Variants in CALB2 observed in about 807,000 individuals in gnomAD.
CALB2 encodes calretinin.
CALB2 carries 34 observed loss-of-function variants against 45.9 expected under a neutral mutation model. The ratio of observed to expected loss-of-function variants is 0.74; its 90% confidence interval spans 0.56 to 0.99. CALB2 has a LOEUF of 0.99. Ranked by LOEUF, CALB2 falls within the 50% of genes least tolerant of loss-of-function variation. The pLI is 0.00. For missense variants in CALB2, 344 were observed against 339.3 expected (o/e 1.01, Z -0.11); for synonymous variants, 142 against 129.6 (o/e 1.10, Z -0.65).
intron 6 of CALB2, 102 bp from the exon 7 acceptor site, chr16:71,383,868 G>A: frequency 7.5e-7 from 1 of 1,336,288 alleles, no homozygotes; most frequent in Non-Finnish European, 1.1e-6. Context: ...GGAAGCATGA[G>A]CACGTGTCAC....
chr16:71,379,299 AAAT>A (rs1190756546), intron 4 of CALB2, among the ~76,000 whole-genome samples: 1 of 151,676 alleles, frequency 6.6e-6, no homozygotes. Context: ...ATAAATAAAT[AAAT>A]AAATAAATAA....
chr16:71,378,503 G>A (rs2042444006), intron 4 of CALB2, among the ~76,000 whole-genome samples: 1 of 152,046 alleles, frequency 6.6e-6, no homozygotes, highest in Admixed American at 6.5e-5. Flanking sequence ...TCACACCACT[G>A]CCCTCCAGGC....
rs1192991689 is a variant in CALB2, at chr16:71,390,117, G to T, written c.*252G>T. The T allele has an allele frequency of 2.1e-6, 1 of 471,896 alleles. No homozygotes were observed. Among genetic ancestry groups the T allele is most frequent in the Non-Finnish European group, 3.8e-6 (1 of 262,236 alleles). 29.2% of individuals were successfully genotyped at this position (471,896 alleles called of 1,614,324 possible). A position where few individuals can be genotyped will look rare whatever the true frequency, so the allele number is the denominator to read the frequency against. Reference sequence around the variant, plus strand: ...CATGGAAGGTGATGGGGGCATGGGTGGAGGGTCCCTAATTCTCTTCGCTGT... The same window carrying T: ...CATGGAAGGTGATGGGGGCATGGGTTGAGGGTCCCTAATTCTCTTCGCTGT... On this transcript the variant is annotated 3_prime_UTR_variant, in exon 11 of 11. Coordinates refer to ENST00000302628, the MANE Select transcript of CALB2 (RefSeq NM_001740.5).
In CALB2 at chr16:71,390,196, AC is replaced by A; in HGVS notation, c.*332del. The A allele has an allele frequency of 4.6e-6, 1 of 217,372 alleles. No individual in the cohort carries two copies. The highest frequency in any genetic ancestry group is 2.3e-5 in the African/African-American group (1 of 44,060). The allele number at this position is 217,372 out of a possible 1,614,324, so 13.5% of individuals were successfully genotyped here. Reference sequence around the variant, plus strand: ...TAGGCTTCTATGTCCAACAGAGTGGACTCTTCCCTCTCGCTCCCCTCTGCCG... The same window carrying A: ...TAGGCTTCTATGTCCAACAGAGTGGATCTTCCCTCTCGCTCCCCTCTGCCG... On this transcript the variant is annotated 3_prime_UTR_variant, in exon 11 of 11. Transcript: ENST00000302628.
At chr16:71,376,549 CCA>C (rs752467977) in intron 3 of CALB2, among the ~76,000 whole-genome samples, 5 of 152,236 alleles carry the variant, frequency 3.3e-5, no homozygotes, top group East Asian at 1.9e-4. Flanking sequence ...CCACATTCAA[CCA>C]CACACACCCA....
chr16:71,384,435 C>T, intron 8 of CALB2, 57 bp downstream of exon 8: 1 of 1,417,918 alleles, frequency 7.1e-7, no homozygotes, highest in Admixed American at 1.7e-5. Flanking sequence ...CCTGGCCCTG[C>T]ACCCTCCTTC....
chr16:71,381,085 AG>A (rs1370267677), intron 4 of CALB2, among the ~76,000 whole-genome samples: 3 of 152,210 alleles, frequency 2.0e-5, no homozygotes, highest in African/African-American at 7.2e-5. Flanking sequence ...TGCTCTGTGC[AG>A]GGACTGGGGT....
At chr16:71,369,990 C>T (rs1237441725) in intron 1 of CALB2, among the ~76,000 whole-genome samples, 1 of 152,210 alleles carries the variant, frequency 6.6e-6, no homozygotes. Context: ...AGGAACCACA[C>T]TCTTCTGAAA....
chr16:71,389,975 T>C lies in CALB2; in HGVS notation c.*110T>C. 2 of 688,512 alleles carry C rather than the reference T, an allele frequency of 2.9e-6. No homozygotes were observed. The highest frequency in any genetic ancestry group is 5.1e-6 in the Non-Finnish European group (2 of 390,038). The allele number at this position is 688,512 out of a possible 1,614,324, so 42.7% of individuals were successfully genotyped here. On this transcript the variant is annotated 3_prime_UTR_variant, in exon 11 of 11. Transcript: ENST00000302628. Reference sequence around the variant, plus strand: ...GCGCCCCGCCCCCACCCCTACAGCCTGCACACACCTGCCTGCAGAGCAGGA... The same window carrying C: ...GCGCCCCGCCCCCACCCCTACAGCCCGCACACACCTGCCTGCAGAGCAGGA...
chr16:71,384,973 G>A, intron 9 of CALB2, 137 bp downstream of exon 9: 2 of 739,444 alleles, frequency 2.7e-6, no homozygotes, highest in Non-Finnish European at 4.8e-6. Flanking sequence ...CGCATCTTCT[G>A]CTGTATGAGA....
At chr16:71,385,408 C>T in intron 9 of CALB2, 169 bp from the exon 10 acceptor site, 1 of 508,570 alleles carries the variant, frequency 2.0e-6, no homozygotes, top group Non-Finnish European at 3.5e-6. Context: ...ACCTTCCTGC[C>T]ATGACTGGTT....
At chr16:71,364,834 G>A (rs2042267004) in intron 1 of CALB2, among the ~76,000 whole-genome samples, 1 of 152,242 alleles carries the variant, frequency 6.6e-6, no homozygotes, top group Non-Finnish European at 1.5e-5. Flanking sequence ...GCGTGTGTGT[G>A]TGTGTCAGAG....
intron 3 of CALB2, among the ~76,000 whole-genome samples, chr16:71,375,579 C>T (rs2144975632): frequency 6.6e-6 from 1 of 152,286 alleles, no homozygotes; most frequent in Non-Finnish European, 1.5e-5. Context: ...ATGATGGTGG[C>T]ACAGGCATTA....
At chr16:71,362,796 A>G (rs2042247842) in intron 1 of CALB2, among the ~76,000 whole-genome samples, 1 of 152,186 alleles carries the variant, frequency 6.6e-6, no homozygotes, top group African/African-American at 2.4e-5. Flanking sequence ...ATGAAAGGGG[A>G]TTTTCTTTTA....
intron 6 of CALB2, 96 bp from the exon 7 acceptor site, chr16:71,383,874 G>A (rs2042531403): frequency 2.1e-6 from 3 of 1,397,938 alleles, no homozygotes; most frequent in Admixed American, 3.4e-5. Context: ...ATGAGCACGT[G>A]TCACCCGTCC....
intron 3 of CALB2, among the ~76,000 whole-genome samples, chr16:71,376,293 C>T (rs1392240874): frequency 6.6e-6 from 1 of 152,184 alleles, no homozygotes; most frequent in African/African-American, 2.4e-5. Flanking sequence ...GCCTGAGGGC[C>T]ATAGCTTACC....
chr16:71,380,292 CTTTTTTTTTTTTTTTTTTTTTTTTT>C (rs544138378), intron 4 of CALB2, among the ~76,000 whole-genome samples: 1 of 43,798 alleles, frequency 2.3e-5, no homozygotes, highest in Non-Finnish European at 4.1e-5. Flanking sequence ...CCTTCCTTTT[CTTTTTTTTTTTTTTTTTTTTTTTTT>C]TTTTTTTTTT....
chr16:71,380,460 C>T (rs2042478195), intron 4 of CALB2, among the ~76,000 whole-genome samples: 1 of 62,316 alleles, frequency 1.6e-5, no homozygotes, highest in African/African-American at 4.5e-5. Context: ...AGGCAGGCAC[C>T]ACCACTTCCG....
chr16:71,388,541 T>C (rs2042598123), intron 10 of CALB2, among the ~76,000 whole-genome samples: 1 of 152,108 alleles, frequency 6.6e-6, no homozygotes, highest in South Asian at 2.1e-4. Flanking sequence ...CAGGTGTTGG[T>C]ATTTAATATG....
Sources: gnomAD v4.1 joint callset for allele counts (sites outside exome capture counted in the v4.1 genomes callset) on GRCh38, gnomAD v4.1.1 for gene constraint, MANE v1.5 for transcripts, NCBI Gene and HGNC (gene_info 2026-07-23, HGNC 2026-07-21) for gene names.